The following LARP6 variants were observed in gnomAD, a reference collection of about 807,000 sequenced individuals.
LARP6 encodes the protein la-related protein 6.
Under a neutral mutation model 32.8 loss-of-function variants are expected in LARP6, and 18 were observed. The observed-to-expected ratio is 0.55, with a 90% CI of 0.38 to 0.81. The LOEUF is 0.81. Ranked by LOEUF, LARP6 falls within the 40% of genes least tolerant of loss-of-function variation. The pLI is 0.00. For missense variants in LARP6, 598 were observed against 663.1 expected (o/e 0.90, Z 1.08); for synonymous variants, 289 against 267.2 (o/e 1.08, Z -0.80).
At chr15:70,836,592 T>G in intron 1 of LARP6, 87 bp from the exon 2 acceptor site, 1 of 989,954 alleles carries the variant, frequency 1.0e-6, no homozygotes, top group Non-Finnish European at 1.6e-6. Flanking sequence ...TGACCCCCAA[T>G]ACCTTGGAGT....
intron 1 of LARP6, chr15:70,848,827 C>T (rs951946523): frequency 6.6e-6 from 1 of 151,818 alleles, no homozygotes; most frequent in Admixed American, 6.6e-5. Context: ...AAAAGAGAAA[C>T]CTAGAAGATT....
intron 1 of LARP6, among the ~76,000 whole-genome samples, chr15:70,837,116 T>C (rs1015768634): frequency 6.6e-6 from 1 of 152,146 alleles, no homozygotes; most frequent in Non-Finnish European, 1.5e-5. Flanking sequence ...GGCTCCCATC[T>C]GTAATACCAG....
Position 70,832,358 on chromosome 15 carries a change from T to A in LARP6, c.1170A>T (p.Lys390Asn). The change falls in exon 3 of 3, where the codon AAA becomes AAT. Residue 390 changes from lysine (K) to asparagine (N), a missense_variant. This residue lies in a region of LARP6 where 368 missense variants were observed against 397.9 expected (regional missense o/e 0.92). Transcript: ENST00000299213. ...SPWSSPLAQR[K>N]GVSRKSPLAE... Reference sequence around the variant, plus strand: ...CCAGTGGGGACTTTCTGGAAACGCCTTTGCGTTGGGCCAAGGGGCTGCTCC... The same window carrying A: ...CCAGTGGGGACTTTCTGGAAACGCCATTGCGTTGGGCCAAGGGGCTGCTCC... 6.2e-7 allele frequency: 1 copy of A among 1,614,048 alleles called. No homozygotes were observed. Among genetic ancestry groups the A allele is most frequent in the Non-Finnish European group, 8.5e-7 (1 of 1,179,944 alleles).
rs557979845 is a variant in LARP6, at chr15:70,843,800, C to T, written c.201-7295G>A. Among the ~76,000 whole-genome samples the T allele has an allele frequency of 5.3e-5, 8 of 150,870 alleles. No homozygotes were observed. In the East Asian group the frequency reaches 7.8e-4, roughly 15 times the overall value. ...CCTCCTGAGTAGCTGGGATTACAGG[C>T]GCACGCTGCCACGCCCGGCTAATTT... On this transcript the variant is annotated intron_variant, in intron 1 of 2. Coordinates refer to ENST00000299213, the MANE Select transcript of LARP6 (RefSeq NM_018357.4).
intron 2 of LARP6, among the ~76,000 whole-genome samples, chr15:70,833,681 C>A (rs1485100655): frequency 6.6e-6 from 1 of 152,204 alleles, no homozygotes; most frequent in African/African-American, 2.4e-5. Flanking sequence ...ATCATTACTT[C>A]CAATATTACA....
intron 1 of LARP6, among the ~76,000 whole-genome samples, chr15:70,847,450 A>C (rs1037991680): frequency 6.6e-6 from 1 of 151,876 alleles, no homozygotes; most frequent in Non-Finnish European, 1.5e-5. Flanking sequence ...GCTCACTGCA[A>C]CCTCTGCCTC....
intron 1 of LARP6, among the ~76,000 whole-genome samples, chr15:70,847,005 G>A (rs545728008): frequency 6.6e-6 from 1 of 152,126 alleles, no homozygotes; most frequent in Admixed American, 6.5e-5. Flanking sequence ...TTAGCAGCCC[G>A]AACACTGAGT....
intron 1 of LARP6, among the ~76,000 whole-genome samples, chr15:70,846,915 C>A (rs2032358210): frequency 6.6e-6 from 1 of 152,176 alleles, no homozygotes; most frequent in Non-Finnish European, 1.5e-5. Context: ...AAATGCAATT[C>A]TCCTAGGAAG....
chr15:70,843,576 C>T (rs1382273789), intron 1 of LARP6, among the ~76,000 whole-genome samples: 1 of 151,792 alleles, frequency 6.6e-6, no homozygotes, highest in Non-Finnish European at 1.5e-5. Context: ...ACTTATGTCC[C>T]TAAATAACCC....
chr15:70,831,052 C>T lies in LARP6; in HGVS notation c.*1000G>A, dbSNP rs2032031211. Reference sequence around the variant, plus strand: ...AGCCTTTGTCCATCCAGTGGTTCTCCAGCGTGCATCAGAATCACCTGCAGC... The same window carrying T: ...AGCCTTTGTCCATCCAGTGGTTCTCTAGCGTGCATCAGAATCACCTGCAGC... On this transcript the variant is annotated 3_prime_UTR_variant, in exon 3 of 3. Coordinates refer to ENST00000299213, the MANE Select transcript of LARP6 (RefSeq NM_018357.4). The T allele has an allele frequency of 6.6e-6, 1 of 152,220 alleles. No individual in the cohort carries two copies. The highest frequency in any genetic ancestry group is 2.1e-4 in the South Asian group (1 of 4,830). The allele number at this position is 152,220 out of a possible 1,614,324, so 9.4% of individuals were successfully genotyped here.
rs568299777 is a variant in LARP6, at chr15:70,841,131, T to C, written c.201-4626A>G. On this transcript the variant is annotated intron_variant, in intron 1 of 2. Transcript: ENST00000299213. ...GGTTTCACCGTGTTAGCCAAGATGGTCTCGATCTCCTGACCTCGTGATCCG... is the reference window on the plus strand; with the variant it reads ...GGTTTCACCGTGTTAGCCAAGATGGCCTCGATCTCCTGACCTCGTGATCCG... Among the ~76,000 whole-genome samples the C allele has an allele frequency of 7.9e-5, 12 of 152,262 alleles. 1 individual carries two copies. The South Asian group carries it at 2.5e-3, about 32-fold the overall frequency.
At chr15:70,848,837 T>A (rs912426927) in intron 1 of LARP6, 1 of 152,106 alleles carries the variant, frequency 6.6e-6, no homozygotes, top group African/African-American at 2.4e-5. Flanking sequence ...CCTAGAAGAT[T>A]GTGTTGTTAA....
rs756707004 is a variant in LARP6, at chr15:70,836,473, C to T, written c.233G>A (p.Arg78His). Residue 78 changes from arginine to histidine, a missense_variant, in exon 2 of 3, where the codon CGT becomes CAT. By Grantham distance (29) the Arg-to-His change is conservative. This residue lies in a region of LARP6 where 161 missense variants were observed against 148.6 expected (regional missense o/e 1.08). Coordinates refer to ENST00000299213, the MANE Select transcript of LARP6 (RefSeq NM_018357.4). Reference protein sequence around the residue: ...GTTASGGENEREDLEQEWKPP... With the variant: ...GTTASGGENEHEDLEQEWKPP... ...CTTCCACTCCTGCTCCAGGTCCTCA[C>T]GCTCGTTCTCACCTCCACTTGCAGT... 22 of 1,614,068 alleles carry T rather than the reference C, an allele frequency of 1.4e-5. No individual in the cohort carries two copies. Among genetic ancestry groups the T allele is most frequent in the African/African-American group, 6.7e-5 (5 of 74,928 alleles).
intron 1 of LARP6, among the ~76,000 whole-genome samples, chr15:70,845,125 A>T (rs984454391): frequency 6.6e-6 from 1 of 152,198 alleles, no homozygotes; most frequent in Admixed American, 6.5e-5. Flanking sequence ...AGTATGGTAC[A>T]TGTGTTACAA....
chr15:70,845,097 T>C (rs963803303), intron 1 of LARP6, among the ~76,000 whole-genome samples: 1 of 152,220 alleles, frequency 6.6e-6, no homozygotes, highest in Non-Finnish European at 1.5e-5. Flanking sequence ...GCTTGCTCTG[T>C]TATAAATATC....
At position 70,832,307 on chromosome 15, in the gene LARP6, G is replaced by A. The variant is rs1223078143; in HGVS notation, c.1221C>T (p.Ser407=). ...PLAEEGRLNC[S]TSPEIFRKCM... is the part of the protein sequence containing the mutation. ...ACTTGCGGAAGATCTCAGGGCTGGT[G>A]CTGCAGTTCAGTCTACCTTCCTCCG... The change falls in exon 3 of 3, where the codon AGC becomes AGT. Residue 407 remains serine, a synonymous_variant. Coordinates refer to ENST00000299213, the MANE Select transcript of LARP6 (RefSeq NM_018357.4). The A allele has an allele frequency of 6.2e-7, 1 of 1,614,132 alleles. No homozygotes were observed. Among genetic ancestry groups the A allele is most frequent in the African/African-American group, 1.3e-5 (1 of 74,942 alleles).
In LARP6 at chr15:70,832,583, G is replaced by A. The variant is rs748344697; in HGVS notation, c.945C>T (p.His315=). Reference sequence around the variant, plus strand: ...CTCTCTTGTTCAGGGACTTGTTCAGGTGGATGCTCGCAGTGGGCTCCTCGT... The same window carrying A: ...CTCTCTTGTTCAGGGACTTGTTCAGATGGATGCTCGCAGTGGGCTCCTCGT... ...NHDEEPTASI[H]LNKSLNKRVE... is the part of the protein sequence containing the mutation. Residue 315 remains histidine, a synonymous_variant, in exon 3 of 3, where the codon CAC becomes CAT. Transcript: ENST00000299213. The A allele has an allele frequency of 1.9e-6, 3 of 1,588,574 alleles. No homozygotes were observed. Among genetic ancestry groups the A allele is most frequent in the Admixed American group, 1.8e-5 (1 of 56,068 alleles).
Position 70,833,388 on chromosome 15 carries a change from G to A in LARP6, c.412-272C>T, listed in dbSNP as rs568965906. Among the ~76,000 whole-genome samples the A allele has an allele frequency of 4.6e-5, 7 of 152,328 alleles. No individual in the cohort carries two copies. The South Asian group carries it at 1.5e-3, about 32-fold the overall frequency. On this transcript the variant is annotated intron_variant, in intron 2 of 2. Transcript: ENST00000299213. Reference sequence around the variant, plus strand: ...AATGGAAATATTCCATTCTGTGCAAGTTTAGAGGTTAAATTTGCAGGCTCT... The same window carrying A: ...AATGGAAATATTCCATTCTGTGCAAATTTAGAGGTTAAATTTGCAGGCTCT...
chr15:70,842,173 G>A (rs1397403829), intron 1 of LARP6, among the ~76,000 whole-genome samples: 1 of 152,032 alleles, frequency 6.6e-6, no homozygotes, highest in Non-Finnish European at 1.5e-5. Context: ...AGCCTCCCAA[G>A]TAGCTGGGGC....
Sources: allele counts gnomAD v4.1 joint callset (sites outside exome capture counted in the v4.1 genomes callset), GRCh38; gene constraint gnomAD v4.1.1; regional missense constraint gnomAD v4.1.1; transcripts MANE v1.5; gene names NCBI Gene and HGNC (gene_info 2026-07-23, HGNC 2026-07-21).